Variants in ARID1B observed in about 807,000 individuals in gnomAD.
The protein encoded by ARID1B is AT-rich interaction domain 1B, also known as AT-rich interactive domain-containing protein 1B.
Under a neutral mutation model 212.3 loss-of-function variants are expected in ARID1B, and 30 were observed. That is an observed-to-expected ratio of 0.14 (90% CI 0.11 to 0.19). The LOEUF is 0.19. Among genes scored for constraint, ARID1B ranks in the 10% least tolerant of loss-of-function variants. The pLI, the probability that ARID1B is intolerant of heterozygous loss-of-function variation, is 1.00. For missense variants in ARID1B, 2,891 were observed against 3,204.0 expected (o/e 0.90, Z 2.36); for synonymous variants, 1,402 against 1,301.7 (o/e 1.08, Z -1.66).
chr6:156,781,528 A>G (rs909716527), intron 1 of ARID1B, among the ~76,000 whole-genome samples: 2 of 152,152 alleles, frequency 1.3e-5, no homozygotes, highest in Non-Finnish European at 2.9e-5. Context: ...TTTAACAATA[A>G]TCATACCTTA....
chr6:156,852,372 C>T (rs575788166), intron 2 of ARID1B, among the ~76,000 whole-genome samples: 1 of 151,572 alleles, frequency 6.6e-6, no homozygotes, highest in African/African-American at 2.4e-5. Context: ...CCTTTGAGCT[C>T]AGGAGTTTGA....
At chr6:156,992,753 TC>T (rs1005571115) in intron 4 of ARID1B, among the ~76,000 whole-genome samples, 1 of 152,112 alleles carries the variant, frequency 6.6e-6, no homozygotes, top group Non-Finnish European at 1.5e-5. Flanking sequence ...TATGGAGCGG[TC>T]CCAGTGGGTT....
intron 19 of ARID1B, chr6:157,205,901 A>G (rs1794407179): frequency 2.3e-6 from 1 of 443,014 alleles, no homozygotes; most frequent in Non-Finnish European, 4.1e-6. Flanking sequence ...GAGAATAAAA[A>G]GTAAGTTTTC....
intron 3 of ARID1B, among the ~76,000 whole-genome samples, chr6:156,915,752 T>C (rs1021987849): frequency 4.6e-5 from 7 of 151,684 alleles, no homozygotes; most frequent in African/African-American, 1.5e-4. Context: ...AAAAATTAGC[T>C]AGATGTGGTG....
intron 2 of ARID1B, chr6:156,829,640 G>T (rs1342755518): frequency 5.8e-6 from 3 of 521,560 alleles, no homozygotes; most frequent in Non-Finnish European, 1.0e-5. Flanking sequence ...TTGGTAGAAG[G>T]GCAGCAGGAC....
chr6:156,801,841 TC>T (rs2115352108), intron 1 of ARID1B, among the ~76,000 whole-genome samples: 1 of 152,338 alleles, frequency 6.6e-6, no homozygotes, highest in South Asian at 2.1e-4. Context: ...TTGATTTCTG[TC>T]TGTGTTGCAG....
intron 4 of ARID1B, among the ~76,000 whole-genome samples, chr6:156,953,968 A>T (rs1793773409): frequency 6.6e-6 from 1 of 152,182 alleles, no homozygotes; most frequent in Non-Finnish European, 1.5e-5. Context: ...TGCAAGGATA[A>T]AAGCATTATT....
chr6:156,927,082 A>G (rs1275305510), intron 3 of ARID1B, among the ~76,000 whole-genome samples: 1 of 152,218 alleles, frequency 6.6e-6, no homozygotes, highest in Non-Finnish European at 1.5e-5. Context: ...TTAAAATATA[A>G]TTTATTCCTA....
chr6:157,170,818 G>A (rs6901525), intron 9 of ARID1B, among the ~76,000 whole-genome samples: 7,700 of 152,288 alleles, frequency 0.051, 650 homozygotes, highest in African/African-American at 0.18. Flanking sequence ...AATGAGAGCA[G>A]TGCGTCTCCC....
intron 13 of ARID1B, chr6:157,185,803 G>A (rs1792935513): frequency 6.6e-6 from 1 of 152,144 alleles, no homozygotes; most frequent in Admixed American, 6.5e-5. Context: ...ACATAAATAC[G>A]TTTTAGGCCC....
At chr6:156,893,404 A>G (rs552987435) in intron 2 of ARID1B, among the ~76,000 whole-genome samples, 36 of 152,358 alleles carry the variant, frequency 2.4e-4, no homozygotes, top group South Asian at 2.3e-3. Flanking sequence ...CACCAAAAGC[A>G]TAGGCAACAA....
At chr6:156,908,384 C>G (rs1329249846) in intron 3 of ARID1B, among the ~76,000 whole-genome samples, 1 of 152,072 alleles carries the variant, frequency 6.6e-6, no homozygotes, top group African/African-American at 2.4e-5. Flanking sequence ...TCTGTACCAT[C>G]CAGAGTTAAG....
chr6:157,085,390 C>A lies in ARID1B; in HGVS notation c.2491+485C>A, dbSNP rs1045657923. On this transcript the variant is annotated intron_variant, in intron 5 of 19. Transcript: ENST00000636930. ...TGGTCAAGGTGGAGCATGGTCGAGG[C>A]GTTCTTACTGATACAAACTCGTGCC... is the stretch of plus-strand genomic sequence containing the variant. 3.9e-5 allele frequency among the ~76,000 whole-genome samples: 6 copies of A among 152,280 alleles called. No homozygotes were observed. The South Asian group carries it at 1.2e-3, about 32-fold the overall frequency.
intron 6 of ARID1B, among the ~76,000 whole-genome samples, chr6:157,111,747 G>A (rs1365972161): frequency 6.6e-6 from 1 of 152,050 alleles, no homozygotes; most frequent in Non-Finnish European, 1.5e-5. Context: ...GGGATAAAAT[G>A]AATTTTTCAT....
At chr6:157,132,954 T>G (rs1788650844) in intron 6 of ARID1B, 74 bp from the exon 7 acceptor site, 2 of 1,483,320 alleles carry the variant, frequency 1.3e-6, no homozygotes. Flanking sequence ...GCCACATCAG[T>G]CCATGTCCAT....
intron 1 of ARID1B, among the ~76,000 whole-genome samples, chr6:156,787,941 G>T (rs533655897): frequency 9.1e-4 from 139 of 152,152 alleles, no homozygotes; most frequent in Non-Finnish European, 1.5e-3. Context: ...TGCTGGGCAG[G>T]GTTGTTGAAA....
intron 17 of ARID1B, 29 bp downstream of exon 17, chr6:157,198,936 G>A (rs1213429143): frequency 1.9e-6 from 3 of 1,538,522 alleles, no homozygotes; most frequent in Admixed American, 1.9e-5. Flanking sequence ...GTGGGGTGCT[G>A]TGTTTTCTGG....
chr6:156,926,614 CTT>C (rs1197094045), intron 3 of ARID1B, among the ~76,000 whole-genome samples: 1 of 152,190 alleles, frequency 6.6e-6, no homozygotes, highest in Non-Finnish European at 1.5e-5. Flanking sequence ...CCACCTTCAT[CTT>C]GTTTCACCTC....
At chr6:156,914,376 G>A (rs1790177480) in intron 3 of ARID1B, among the ~76,000 whole-genome samples, 1 of 152,208 alleles carries the variant, frequency 6.6e-6, no homozygotes, top group Non-Finnish European at 1.5e-5. Flanking sequence ...CTGTCATTAG[G>A]ATTCCATGCA....
Sources: allele counts gnomAD v4.1 joint callset (sites outside exome capture counted in the v4.1 genomes callset), GRCh38; gene constraint gnomAD v4.1.1; transcripts MANE v1.5; gene names NCBI Gene and HGNC (gene_info 2026-07-23, HGNC 2026-07-21).